DHX29: variants seen among roughly 807,000 people sequenced by gnomAD.
DHX29 encodes the protein ATP-dependent RNA helicase DHX29.
Under a neutral mutation model 167.9 loss-of-function variants are expected in DHX29, and 79 were observed. That is an observed-to-expected ratio of 0.47 (90% CI 0.39 to 0.57). The LOEUF is 0.57. DHX29 is among the 20% of genes least tolerant of loss of function. DHX29 has a pLI of 0.00. For synonymous variants in DHX29, 530 were observed against 546.0 expected, an observed-to-expected ratio of 0.97 and a Z score of 0.41; for missense variants, 1,347 against 1,593.4, an observed-to-expected ratio of 0.85 and a Z score of 2.63.
chr5:55,304,309 C>CTTTTTT (rs397882409), intron 1 of DHX29, among the ~76,000 whole-genome samples: 1 of 112,664 alleles, frequency 8.9e-6, no homozygotes, highest in African/African-American at 3.8e-5. Flanking sequence ...TCAAATGTCA[C>CTTTTTT]TTTTTTTTTT....
intron 23 of DHX29, 127 bp downstream of exon 23, chr5:55,267,011 T>A (rs896308687): frequency 1.7e-6 from 1 of 592,202 alleles, no homozygotes; most frequent in African/African-American, 1.9e-5. Flanking sequence ...ATCACAAATG[T>A]ACTAATTCAA....
At chr5:55,264,119 A>T (rs986759257) in intron 23 of DHX29, among the ~76,000 whole-genome samples, 2 of 151,588 alleles carry the variant, frequency 1.3e-5, no homozygotes, top group Admixed American at 1.3e-4. Flanking sequence ...ACACAGTGAG[A>T]CCCCATCTAT....
At chr5:55,274,768 A>T in intron 15 of DHX29, 37 bp from the exon 16 acceptor site, 1 of 1,565,876 alleles carries the variant, frequency 6.4e-7, no homozygotes, top group Non-Finnish European at 8.6e-7. Flanking sequence ...TCAAAATAAG[A>T]AGATAAGGAA....
intron 23 of DHX29, among the ~76,000 whole-genome samples, chr5:55,265,460 AAT>A (rs1746512326): frequency 6.6e-6 from 1 of 152,184 alleles, no homozygotes; most frequent in Admixed American, 6.5e-5. Flanking sequence ...GACACAGAAG[AAT>A]ATGTTAAATA....
At chr5:55,272,253 C>A (rs934272913) in intron 17 of DHX29, 78 bp from the exon 18 acceptor site, 17 of 902,494 alleles carry the variant, frequency 1.9e-5, no homozygotes, top group Non-Finnish European at 2.8e-5. Flanking sequence ...TTAGTTTGAG[C>A]TGATGAAATT....
At chr5:55,285,440 A>C in intron 9 of DHX29, 24 bp from the exon 10 acceptor site, 1 of 1,570,642 alleles carries the variant, frequency 6.4e-7, no homozygotes, top group Non-Finnish European at 8.6e-7. Flanking sequence ...AACGCATTTT[A>C]AAAAAATAAA....
intron 23 of DHX29, among the ~76,000 whole-genome samples, 163 bp from the exon 24 acceptor site, chr5:55,263,095 G>A (rs1206737861): frequency 6.6e-6 from 1 of 152,014 alleles, no homozygotes; most frequent in Non-Finnish European, 1.5e-5. Flanking sequence ...AAAAGATACT[G>A]GAAAGTCAAG....
intron 1 of DHX29, among the ~76,000 whole-genome samples, chr5:55,305,041 C>A (rs1748793583): frequency 6.6e-6 from 1 of 152,126 alleles, no homozygotes; most frequent in Non-Finnish European, 1.5e-5. Flanking sequence ...ACTTTCCTTA[C>A]CAGTTATCCA....
chr5:55,297,981 A>G (rs1748405387), intron 2 of DHX29, among the ~76,000 whole-genome samples: 1 of 152,220 alleles, frequency 6.6e-6, no homozygotes, highest in Non-Finnish European at 1.5e-5. Context: ...CTTTTTAACT[A>G]AATGCCTACT....
chr5:55,294,308 G>A lies in DHX29; in HGVS notation c.652-163C>T, dbSNP rs1442261128. ...ACAAATAAATTGACCTTAACATTAAGAAATTTACAATTGCAAAATCCAAAG... is the reference window on the plus strand; with the variant it reads ...ACAAATAAATTGACCTTAACATTAAAAAATTTACAATTGCAAAATCCAAAG... On this transcript the variant is annotated intron_variant, in intron 5 of 26. Coordinates refer to ENST00000251636, the MANE Select transcript of DHX29 (RefSeq NM_019030.4). 2.0e-5 allele frequency among the ~76,000 whole-genome samples: 3 copies of A among 152,132 alleles called. No individual in the cohort carries two copies. In the East Asian group the frequency reaches 5.8e-4, roughly 29 times the overall value.
In DHX29 at chr5:55,260,028, A is replaced by G. The variant is rs1020658103; in HGVS notation, c.3961-84T>C. 1.2e-5 allele frequency: 8 copies of G among 682,236 alleles called. 1 individual carries two copies. The South Asian group carries it at 1.4e-4, about 12-fold the overall frequency. 42.3% of individuals were successfully genotyped at this position (682,236 alleles called of 1,614,324 possible). A position where few individuals can be genotyped will look rare whatever the true frequency, so the allele number is the denominator to read the frequency against. Reference sequence around the variant, plus strand: ...AAGTAAATCAAGGCAAGCCTATATTACAATCTGCCTTAGCACATCTTGCTT... The same window carrying G: ...AAGTAAATCAAGGCAAGCCTATATTGCAATCTGCCTTAGCACATCTTGCTT... On this transcript the variant is annotated intron_variant, in intron 25 of 26. Coordinates refer to ENST00000251636, the MANE Select transcript of DHX29 (RefSeq NM_019030.4).
intron 23 of DHX29, among the ~76,000 whole-genome samples, chr5:55,266,244 G>C (rs1005243959): frequency 7.4e-5 from 11 of 148,894 alleles, no homozygotes; most frequent in Non-Finnish European, 1.5e-4. Flanking sequence ...TGATCCACCC[G>C]CCTCGGCCTC....
intron 7 of DHX29, 93 bp downstream of exon 7, chr5:55,290,125 T>C (rs978086891): frequency 2.8e-6 from 4 of 1,414,068 alleles, no homozygotes; most frequent in Admixed American, 2.2e-5. Flanking sequence ...TAGAAAAGGG[T>C]AGACATATTA....
At chr5:55,296,199 G>A (rs1748309975) in intron 4 of DHX29, 21 bp downstream of exon 4, 3 of 1,587,916 alleles carry the variant, frequency 1.9e-6, no homozygotes, top group Non-Finnish European at 2.6e-6. Flanking sequence ...GAAACTGAAA[G>A]AATTTAATGA....
In DHX29 at chr5:55,290,245, G is replaced by A. The variant is rs1482937223; in HGVS notation, c.880C>T (p.Gln294Ter). The stretch of plus-strand genomic sequence containing the variant: ...CTTTGAAATTTCCTTATTTTTTCCT[G>A]AGCCTCTTTTTGGCCTTGCTTGTTT... ...EKNKQGQKEA[Q>*]EKIRKFQREM... is the part of the protein sequence containing the mutation. The change falls in exon 7 of 27, where the codon CAG becomes TAG. Residue 294 changes from glutamine to a stop codon, truncating the protein, a stop_gained. Coordinates refer to ENST00000251636, the MANE Select transcript of DHX29 (RefSeq NM_019030.4). LOFTEE classifies it high-confidence loss of function. 1.9e-6 allele frequency: 3 copies of A among 1,609,772 alleles called. No individual in the cohort carries two copies. Among genetic ancestry groups the A allele is most frequent in the Non-Finnish European group, 2.5e-6 (3 of 1,179,256 alleles).
In DHX29 at chr5:55,271,994, T is replaced by A. The variant is rs112641190; in HGVS notation, c.2864+93A>T. The A allele has an allele frequency of 2.4e-3, 1,737 of 709,610 alleles. 21 individuals are homozygous for A. In the African/African-American group the frequency reaches 0.029, roughly 12 times the overall value. The allele number at this position is 709,610 out of a possible 1,614,324, so 44.0% of individuals were successfully genotyped here. On this transcript the variant is annotated intron_variant, in intron 18 of 26. Coordinates refer to ENST00000251636, the MANE Select transcript of DHX29 (RefSeq NM_019030.4). ...GACAGAACTAGGACATTTAGGATTT[T>A]CCCTAAATAATTTTAGGATTTCTCC...
chr5:55,284,405 T>C (rs1747609897), intron 10 of DHX29, among the ~76,000 whole-genome samples: 1 of 152,224 alleles, frequency 6.6e-6, no homozygotes, highest in Non-Finnish European at 1.5e-5. Context: ...TTCTGTGCTA[T>C]AAAGAATCCA....
chr5:55,263,807 A>G (rs1746425869), intron 23 of DHX29, among the ~76,000 whole-genome samples: 1 of 147,466 alleles, frequency 6.8e-6, no homozygotes, highest in Non-Finnish European at 1.5e-5. Flanking sequence ...CTATTTCTTC[A>G]ATTTAGCCCT....
Position 55,307,676 on chromosome 5 carries a change from G to T in DHX29, c.-103C>A. 6.9e-7 allele frequency: 1 copy of T among 1,449,306 alleles called. No homozygotes were observed. Among genetic ancestry groups the T allele is most frequent in the Non-Finnish European group, 9.4e-7 (1 of 1,066,394 alleles). The allele number at this position is 1,449,306 out of a possible 1,614,324, so 89.8% of individuals were successfully genotyped here. A position where few individuals can be genotyped will look rare whatever the true frequency, so the allele number is the denominator to read the frequency against. ...CCCGGCTCCGGGGCTGCCACCCTGC[G>T]CTTCGATCCGGGCTTCTCGGGCCGG... On this transcript the variant is annotated 5_prime_UTR_variant, in exon 1 of 27. Coordinates refer to ENST00000251636, the MANE Select transcript of DHX29 (RefSeq NM_019030.4).
Sources: gnomAD v4.1 joint callset for allele counts (sites outside exome capture counted in the v4.1 genomes callset) on GRCh38, gnomAD v4.1.1 for gene constraint, MANE v1.5 for transcripts, NCBI Gene and HGNC (gene_info 2026-07-23, HGNC 2026-07-21) for gene names.